CYP39A1: variants seen among roughly 807,000 people sequenced by gnomAD.
CYP39A1 encodes the protein cytochrome P450 family 39 subfamily A member 1.
In CYP39A1, 49 loss-of-function variants were observed where a neutral mutation model predicts 58.1. That is an observed-to-expected ratio of 0.84 (90% CI 0.67 to 1.07). CYP39A1 has a LOEUF of 1.07. Ranked by LOEUF, CYP39A1 falls within the 50% of genes least tolerant of loss-of-function variation. The probability of loss-of-function intolerance (pLI) is 0.00; values close to 1 mark genes in which losing one functional copy is unlikely to be tolerated. For synonymous variants in CYP39A1, 209 were observed against 187.6 expected, an observed-to-expected ratio of 1.11 and a Z score of -0.93; for missense variants, 531 against 539.4, an observed-to-expected ratio of 0.98 and a Z score of 0.16.
intron 10 of CYP39A1, 121 bp downstream of exon 10, chr6:46,586,953 GTTC>G (rs1772502967): frequency 4.3e-6 from 3 of 690,720 alleles, no homozygotes; most frequent in Admixed American, 2.8e-5. Context: ...GACAAAATGT[GTTC>G]TTCTGGATTT....
At chr6:46,601,459 T>C (rs979208775) in intron 7 of CYP39A1, among the ~76,000 whole-genome samples, 1 of 152,176 alleles carries the variant, frequency 6.6e-6, no homozygotes, top group African/African-American at 2.4e-5. Context: ...TAAAGCCGTA[T>C]CTATCCCTCT....
At position 46,636,749 on chromosome 6, in the gene CYP39A1, A is replaced by T. The variant is rs115956773; in HGVS notation, c.639-267T>A. On this transcript the variant is annotated intron_variant, in intron 4 of 11. Coordinates refer to ENST00000275016, the MANE Select transcript of CYP39A1 (RefSeq NM_016593.5). ...GGCACTGAATAAGAAGGCAGAACCC[A>T]CACTTGCTTGGTCTGCCTTTACTGT... is the stretch of plus-strand genomic sequence containing the variant. Among the ~76,000 whole-genome samples the T allele has an allele frequency of 1.9e-3, 297 of 152,314 alleles. 1 individual carries two copies. Among genetic ancestry groups the T allele is most frequent in the African/African-American group, 6.8e-3 (283 of 41,574 alleles).
At chr6:46,604,283 T>C (rs1365413696) in intron 7 of CYP39A1, among the ~76,000 whole-genome samples, 1 of 152,124 alleles carries the variant, frequency 6.6e-6, no homozygotes, top group East Asian at 1.9e-4. Flanking sequence ...TCTTTTCCCA[T>C]CTCCCCAATA....
chr6:46,645,948 T>C (rs1214532421), intron 1 of CYP39A1, among the ~76,000 whole-genome samples: 3 of 152,160 alleles, frequency 2.0e-5, no homozygotes, highest in Non-Finnish European at 4.4e-5. Context: ...TTTCCACATG[T>C]TCATTGTTAG....
intron 10 of CYP39A1, among the ~76,000 whole-genome samples, chr6:46,571,783 T>G (rs1359705534): frequency 6.6e-6 from 1 of 152,090 alleles, no homozygotes; most frequent in Non-Finnish European, 1.5e-5. Flanking sequence ...AAATTTTCTG[T>G]TTTGTAGTTC....
intron 1 of CYP39A1, among the ~76,000 whole-genome samples, chr6:46,642,689 C>A (rs1776418571): frequency 6.6e-6 from 1 of 152,084 alleles, no homozygotes; most frequent in Non-Finnish European, 1.5e-5. Context: ...TTCAAAATTG[C>A]CAACTGGTTT....
intron 5 of CYP39A1, among the ~76,000 whole-genome samples, chr6:46,633,761 G>A (rs1176711929): frequency 6.6e-6 from 1 of 151,980 alleles, no homozygotes; most frequent in African/African-American, 2.4e-5. Flanking sequence ...GGAGGCTGAA[G>A]CAGGAGAATT....
At chr6:46,579,125 C>T (rs2150501369) in intron 10 of CYP39A1, among the ~76,000 whole-genome samples, 1 of 151,954 alleles carries the variant, frequency 6.6e-6, no homozygotes, top group Admixed American at 6.6e-5. Context: ...ACTTTGTATC[C>T]CAGGAATAAA....
chr6:46,627,996 C>A (rs1775424946), intron 6 of CYP39A1, among the ~76,000 whole-genome samples: 1 of 152,166 alleles, frequency 6.6e-6, no homozygotes, highest in Non-Finnish European at 1.5e-5. Flanking sequence ...ACTCAGCTCA[C>A]TGAACTGCAG....
At chr6:46,590,610 A>C (rs1297595387) in intron 8 of CYP39A1, among the ~76,000 whole-genome samples, 10 of 152,210 alleles carry the variant, frequency 6.6e-5, no homozygotes, top group African/African-American at 2.4e-4. Flanking sequence ...ATAAAAACTT[A>C]TCTCTACAAA....
In CYP39A1 at chr6:46,593,743, C is replaced by T. The variant is rs1433038786; in HGVS notation, c.1065+2244G>A. ...TTAAATGTGATCCATTTGGATAATG[C>T]AGGCCCTAAGTCAAATCATTTCAAA... On this transcript the variant is annotated intron_variant, in intron 8 of 11. Coordinates refer to ENST00000275016, the MANE Select transcript of CYP39A1 (RefSeq NM_016593.5). Among the ~76,000 whole-genome samples the T allele has an allele frequency of 3.9e-5, 6 of 152,088 alleles. No individual in the cohort carries two copies. The South Asian group carries it at 1.0e-3, about 26-fold the overall frequency.
Position 46,644,547 on chromosome 6 carries a change from G to A in CYP39A1, c.178-2249C>T, listed in dbSNP as rs560752066. Among the ~76,000 whole-genome samples the A allele has an allele frequency of 3.3e-5, 5 of 152,228 alleles. No homozygotes were observed. In the South Asian group the frequency reaches 1.0e-3, roughly 32 times the overall value. On this transcript the variant is annotated intron_variant, in intron 1 of 11. Coordinates refer to ENST00000275016, the MANE Select transcript of CYP39A1 (RefSeq NM_016593.5). ...AAATCAAAACAATAAAAATGAATAA[G>A]GTTGAAAGACAGTGAGATTCTTTTC... is the stretch of plus-strand genomic sequence containing the variant.
chr6:46,607,686 C>T (rs1274924170), intron 7 of CYP39A1, among the ~76,000 whole-genome samples: 1 of 152,042 alleles, frequency 6.6e-6, no homozygotes, highest in Non-Finnish European at 1.5e-5. Context: ...GGAGACTGAA[C>T]CAGAAGGTGG....
chr6:46,598,788 T>C (rs969685679), intron 7 of CYP39A1, among the ~76,000 whole-genome samples: 1 of 152,142 alleles, frequency 6.6e-6, no homozygotes, highest in Non-Finnish European at 1.5e-5. Flanking sequence ...AAGTGCTTTG[T>C]CTAGACAATG....
intron 7 of CYP39A1, among the ~76,000 whole-genome samples, chr6:46,598,300 A>G (rs1773290829): frequency 6.6e-6 from 1 of 152,166 alleles, no homozygotes; most frequent in African/African-American, 2.4e-5. Context: ...TAGCTACATA[A>G]AAGATAACTA....
At chr6:46,589,609 A>G (rs1772701690) in intron 8 of CYP39A1, among the ~76,000 whole-genome samples, 1 of 151,882 alleles carries the variant, frequency 6.6e-6, no homozygotes, top group Non-Finnish European at 1.5e-5. Context: ...AGCTGGAGAG[A>G]CTCAAATCCA....
In CYP39A1 at chr6:46,550,316, G is replaced by A. The variant is rs367906182; in HGVS notation, c.*50C>T. On this transcript the variant is annotated 3_prime_UTR_variant, in exon 12 of 12. Coordinates refer to ENST00000275016, the MANE Select transcript of CYP39A1 (RefSeq NM_016593.5). The stretch of plus-strand genomic sequence containing the variant: ...TCAGGTCTAGGTGCTGCCAGGTGGG[G>A]TAGTGCCACTCCTCCAGAAGGCCCT... 14 of 1,505,706 alleles carry A rather than the reference G, an allele frequency of 9.3e-6. No homozygotes were observed. The African/African-American group carries it at 1.7e-4, about 18-fold the overall frequency. 93.3% of individuals were successfully genotyped at this position (1,505,706 alleles called of 1,614,324 possible). A position where few individuals can be genotyped will look rare whatever the true frequency, so the allele number is the denominator to read the frequency against.
intron 10 of CYP39A1, among the ~76,000 whole-genome samples, chr6:46,580,109 C>T (rs889235897): frequency 6.6e-6 from 1 of 152,122 alleles, no homozygotes; most frequent in Admixed American, 6.6e-5. Flanking sequence ...AACTATACTA[C>T]AAGGCCACAG....
intron 7 of CYP39A1, among the ~76,000 whole-genome samples, chr6:46,603,055 G>A (rs1773616122): frequency 6.6e-6 from 1 of 152,016 alleles, no homozygotes; most frequent in Admixed American, 6.6e-5. Flanking sequence ...ACCTACAAAA[G>A]TCTGGAGCTT....
Sources: gnomAD v4.1 joint callset for allele counts (sites outside exome capture counted in the v4.1 genomes callset) on GRCh38, gnomAD v4.1.1 for gene constraint, MANE v1.5 for transcripts, NCBI Gene and HGNC (gene_info 2026-07-23, HGNC 2026-07-21) for gene names.